Variants in SLC28A1 observed in about 807,000 individuals in gnomAD.
The protein encoded by SLC28A1 is sodium/nucleoside cotransporter 1.
SLC28A1 carries 64 observed loss-of-function variants against 74.8 expected under a neutral mutation model. The observed-to-expected ratio is 0.86, with a 90% confidence interval of 0.70 to 1.05. SLC28A1 has a LOEUF of 1.05. Ranked by LOEUF, SLC28A1 falls within the 50% of genes least tolerant of loss-of-function variation. SLC28A1 has a pLI of 0.00. For missense variants in SLC28A1, 828 were observed against 822.8 expected, an observed-to-expected ratio of 1.01 and a Z score of -0.08; for synonymous variants, 359 against 335.0, an observed-to-expected ratio of 1.07 and a Z score of -0.78.
At chr15:84,935,598 C>A in intron 15 of SLC28A1, 80 bp downstream of exon 15, 1 of 1,258,436 alleles carries the variant, frequency 7.9e-7, no homozygotes, top group Non-Finnish European at 1.1e-6. Context: ...AGCTGCTCTC[C>A]CGCTCCCTGG....
intron 15 of SLC28A1, among the ~76,000 whole-genome samples, chr15:84,937,176 A>G (rs1234170171): frequency 6.6e-6 from 1 of 151,424 alleles, no homozygotes; most frequent in East Asian, 1.9e-4. Flanking sequence ...CATAAGCATC[A>G]TTTTGTATAT....
chr15:84,918,654 C>T, intron 10 of SLC28A1, 50 bp downstream of exon 10: 1 of 1,393,500 alleles, frequency 7.2e-7, no homozygotes, highest in South Asian at 1.2e-5. Flanking sequence ...CACCAGCTCA[C>T]AGGGTTCACA....
intron 11 of SLC28A1, among the ~76,000 whole-genome samples, chr15:84,923,579 G>A (rs1334612877): frequency 6.6e-6 from 1 of 152,148 alleles, no homozygotes; most frequent in Non-Finnish European, 1.5e-5. Context: ...GTGGCTGCAG[G>A]AGAGCTTGGG....
Position 84,935,310 on chromosome 15 carries a change from T to A in SLC28A1, c.1384-11T>A, listed in dbSNP as rs772823676. ...CAGCCCTCGGTGCCAGCCATACCGT[T>A]GTGCCCTCAGCTCATCTGCTCCTAC... On this transcript the variant is annotated splice_polypyrimidine_tract_variant and intron_variant, in intron 14 of 18. Transcript: ENST00000394573. 3.8e-5 allele frequency: 62 copies of A among 1,614,020 alleles called. No homozygotes were observed.
the SLC28A1 span, among the ~76,000 whole-genome samples, chr15:84,971,304 A>C: frequency 6.6e-6 from 1 of 152,282 alleles, no homozygotes; most frequent in South Asian, 2.1e-4. Context: ...CTCAAACCTC[A>C]TGTCAAAATT....
chr15:84,910,878 C>T (rs1968101115), intron 9 of SLC28A1, among the ~76,000 whole-genome samples: 1 of 152,202 alleles, frequency 6.6e-6, no homozygotes, highest in South Asian at 2.1e-4. Context: ...GTGAGGGAGA[C>T]TCCTTGAGGA....
Position 84,906,271 on chromosome 15 carries a change from C to T in SLC28A1, c.717+619C>T, listed in dbSNP as rs542528918. On this transcript the variant is annotated intron_variant, in intron 8 of 18. Coordinates refer to ENST00000394573, the MANE Select transcript of SLC28A1 (RefSeq NM_004213.5). ...CTGACCTCAGACGATTCGCTTGCCT[C>T]GGCCTCCCAAAGTGCTGGGATTACA... Among the ~76,000 whole-genome samples the T allele has an allele frequency of 2.0e-4, 30 of 152,028 alleles. No individual in the cohort carries two copies. In the East Asian group the frequency reaches 5.5e-3, roughly 28 times the overall value.
At chr15:84,960,265 T>TGAGACAAGG in the SLC28A1 span, among the ~76,000 whole-genome samples, 1 of 62,632 alleles carries the variant, frequency 1.6e-5, no homozygotes, top group Admixed American at 2.2e-4. Flanking sequence ...TTTTTTTTTT[T>TGAGACAAGG]TTTTTTTTGA....
At chr15:84,895,752 G>A (rs868762041) in intron 6 of SLC28A1, 13 of 1,191,218 alleles carry the variant, frequency 1.1e-5, no homozygotes, top group Admixed American at 1.0e-4. Context: ...AAGAAAATTC[G>A]CTGGGGGAAA....
chr15:84,886,386 G>A, intron 1 of SLC28A1: 3 of 978,740 alleles, frequency 3.1e-6, no homozygotes, highest in Non-Finnish European at 3.6e-6. Flanking sequence ...AAGGAAGGAG[G>A]GGGAGGGAAA....
chr15:84,922,176 G>A (rs1029507495), intron 11 of SLC28A1, among the ~76,000 whole-genome samples: 6 of 152,088 alleles, frequency 3.9e-5, no homozygotes, highest in Non-Finnish European at 1.5e-5. Context: ...GATCACATTA[G>A]CCCCATGGCT....
chr15:84,887,142 A>G (rs1036069535), intron 2 of SLC28A1, among the ~76,000 whole-genome samples: 1 of 152,220 alleles, frequency 6.6e-6, no homozygotes, highest in Non-Finnish European at 1.5e-5. Context: ...GATGCCTTTA[A>G]GGATGTTGCA....
Position 84,945,441 on chromosome 15 carries a change from G to A in SLC28A1, c.*241G>A. On this transcript the variant is annotated 3_prime_UTR_variant, in exon 19 of 19. Transcript: ENST00000394573. The stretch of plus-strand genomic sequence containing the variant: ...CCCCATTTCCTAACTCCCCCAGTGT[G>A]AATTCTCAGGGTCACTTCTGCCTCC... 1 of 538,276 alleles carries A rather than the reference G, an allele frequency of 1.9e-6. No homozygotes were observed. The highest frequency in any genetic ancestry group is 3.4e-6 in the Non-Finnish European group (1 of 294,436). 33.3% of individuals were successfully genotyped at this position (538,276 alleles called of 1,614,324 possible).
At chr15:84,930,962 G>A (rs1434007892) in intron 12 of SLC28A1, among the ~76,000 whole-genome samples, 1 of 152,040 alleles carries the variant, frequency 6.6e-6, no homozygotes, top group Non-Finnish European at 1.5e-5. Flanking sequence ...ATTAGAGATG[G>A]GGGTTTCACT....
In SLC28A1 at chr15:84,933,236, C is replaced by T. The variant is rs201966559; in HGVS notation, c.1175C>T (p.Ser392Phe). ...SKLVYPEVEE[S>F]KFRREEGVKL... Reference sequence around the variant, plus strand: ...CTGGTCTACCCGGAGGTGGAGGAGTCCAAGTTTAGGAGGGAGGAAGGAGTG... The same window carrying T: ...CTGGTCTACCCGGAGGTGGAGGAGTTCAAGTTTAGGAGGGAGGAAGGAGTG... The change falls in exon 13 of 19, where the codon TCC (serine) becomes TTC (phenylalanine). Residue 392 changes from serine to phenylalanine, a missense_variant. By Grantham distance (155) the Ser-to-Phe change is radical. This residue lies in a region of SLC28A1 where 767 missense variants were observed against 753.5 expected (regional missense o/e 1.02). Transcript: ENST00000394573. The T allele has an allele frequency of 6.1e-5, 98 of 1,613,582 alleles. No homozygotes were observed. Among genetic ancestry groups the T allele is most frequent in the Non-Finnish European group, 7.8e-5 (92 of 1,179,834 alleles).
chr15:84,955,337 T>G, the SLC28A1 span, among the ~76,000 whole-genome samples: 2 of 152,212 alleles, frequency 1.3e-5, no homozygotes, highest in African/African-American at 4.8e-5. Flanking sequence ...GTTTATTCCA[T>G]AGCAACAGAT....
At chr15:84,967,714 G>T in the SLC28A1 span, among the ~76,000 whole-genome samples, 1 of 152,114 alleles carries the variant, frequency 6.6e-6, no homozygotes, top group African/African-American at 2.4e-5. Flanking sequence ...CCTTGGAAAG[G>T]GAACCTACGA....
At chr15:84,973,763 G>A in the SLC28A1 span, among the ~76,000 whole-genome samples, 5,447 of 152,222 alleles carry the variant, frequency 0.036, 128 homozygotes, top group Non-Finnish European at 0.055. Context: ...GTGAAGTCAG[G>A]GGCTGTTTTG....
chr15:84,951,091 A>G, the SLC28A1 span, among the ~76,000 whole-genome samples: 12 of 152,140 alleles, frequency 7.9e-5, no homozygotes, highest in African/African-American at 2.9e-4. Flanking sequence ...TGGAATGCAG[A>G]TGGGAAGGTG....
Sources: allele counts gnomAD v4.1 joint callset (sites outside exome capture counted in the v4.1 genomes callset), GRCh38; gene constraint gnomAD v4.1.1; regional missense constraint gnomAD v4.1.1; transcripts MANE v1.5; gene names NCBI Gene and HGNC (gene_info 2026-07-23, HGNC 2026-07-21).